Variants in MGAT5B observed in about 807,000 individuals in gnomAD.
MGAT5B encodes N-acetylglucosaminyl-transferase Vb.
Under a neutral mutation model 95.1 loss-of-function variants are expected in MGAT5B, and 54 were observed. That is an observed-to-expected ratio of 0.57 (90% confidence interval 0.46 to 0.71). MGAT5B has a LOEUF of 0.71. MGAT5B is among the 30% of genes least tolerant of loss of function. The probability of loss-of-function intolerance (pLI) is 0.00; values close to 1 mark genes in which losing one functional copy is unlikely to be tolerated. For synonymous variants in MGAT5B, 464 were observed against 451.0 expected (o/e 1.03, Z -0.36); for missense variants, 935 against 1,088.6 (o/e 0.86, Z 1.99).
chr17:76,917,312 CT>C lies in MGAT5B; in HGVS notation c.1026-7653del, dbSNP rs1200041784. On this transcript the variant is annotated intron_variant, in intron 8 of 17. Coordinates refer to ENST00000569840, the MANE Select transcript of MGAT5B (RefSeq NM_001199172.2). This position sits in a 1 kb window ranked among gnomAD's most constrained non-coding sequence, Gnocchi z 6.1. Reference sequence around the variant, plus strand: ...GTCCATAGTCATTTCTCAGCTGCCCCTGGCTTCACTTTCTTGTTGGGTCTCG... The same window carrying C: ...GTCCATAGTCATTTCTCAGCTGCCCCGGCTTCACTTTCTTGTTGGGTCTCG... Among the ~76,000 whole-genome samples the C allele has an allele frequency of 4.0e-5, 6 of 151,860 alleles. No homozygotes were observed. The highest frequency in any genetic ancestry group is 8.8e-5 in the Non-Finnish European group (6 of 67,978).
At chr17:76,873,414 C>T (rs745601828) in intron 2 of MGAT5B, among the ~76,000 whole-genome samples, 1 of 152,234 alleles carries the variant, frequency 6.6e-6, no homozygotes, top group Non-Finnish European at 1.5e-5. Flanking sequence ...CCCATCACTC[C>T]TTGCCCACAC....
chr17:76,903,687 G>A (rs1033583616), intron 5 of MGAT5B, among the ~76,000 whole-genome samples: 7 of 152,196 alleles, frequency 4.6e-5, no homozygotes, highest in African/African-American at 1.7e-4. Flanking sequence ...TGGACGGAGA[G>A]TCTTCCTGCC....
rs185967515 is a variant in MGAT5B at position 76,915,087 on chromosome 17, C to T, written c.1025+8900C>T. 4.2e-4 allele frequency among the ~76,000 whole-genome samples: 64 copies of T among 152,328 alleles called. 1 individual carries two copies. The East Asian group carries it at 8.7e-3, about 21-fold the overall frequency. On this transcript the variant is annotated intron_variant, in intron 8 of 17. Coordinates refer to ENST00000569840, the MANE Select transcript of MGAT5B (RefSeq NM_001199172.2). The surrounding 1 kb of genome is among the most constrained non-coding windows in gnomAD (Gnocchi z 8.7). Reference sequence around the variant, plus strand: ...GGATTAGGACTTCACCCTCCTTCAGCGGCCACAGTTCAGCCCACGATCAAA... The same window carrying T: ...GGATTAGGACTTCACCCTCCTTCAGTGGCCACAGTTCAGCCCACGATCAAA...
At chr17:76,932,514 C>G in intron 10 of MGAT5B, 131 bp from the exon 11 acceptor site, 1 of 1,353,428 alleles carries the variant, frequency 7.4e-7, no homozygotes, top group Non-Finnish European at 1.0e-6. Context: ...ACCCTCCCCA[C>G]CGCACCCTGT....
Position 76,940,470 on chromosome 17 carries a change from C to G in MGAT5B, c.1653C>G (p.Ile551Met), listed in dbSNP as rs559715134. Reference protein sequence around the residue: ...APLEAIANGCIFLQSRFSPPH... With the variant: ...APLEAIANGCMFLQSRFSPPH... Reference sequence around the variant, plus strand: ...TGGAGGCCATCGCCAATGGTTGCATCTTCCTGCAGTCCCGCTTCAGCCCGC... The same window carrying G: ...TGGAGGCCATCGCCAATGGTTGCATGTTCCTGCAGTCCCGCTTCAGCCCGC... Residue 551 changes from isoleucine (I) to methionine (M), a missense_variant, in exon 14 of 18, where the codon ATC (isoleucine) becomes ATG (methionine). Transcript: ENST00000569840. The surrounding 1 kb of genome is among the most constrained non-coding windows in gnomAD (Gnocchi z 4.3). 1.2e-6 allele frequency: 2 copies of G among 1,613,934 alleles called. No homozygotes were observed. The highest frequency in any genetic ancestry group is 1.7e-6 in the Non-Finnish European group (2 of 1,179,992).
In MGAT5B at chr17:76,914,034, G is replaced by A. The variant is rs557396565; in HGVS notation, c.1025+7847G>A. 7 of 318,028 alleles carry A rather than the reference G, an allele frequency of 2.2e-5. No homozygotes were observed. The highest frequency in any genetic ancestry group is 1.2e-3 in the Middle Eastern group (1 of 842). 19.7% of individuals were successfully genotyped at this position (318,028 alleles called of 1,614,324 possible). A position where few individuals can be genotyped will look rare whatever the true frequency, so the allele number is the denominator to read the frequency against. ...GAGGATCACTTGAGCCTGGGAAGTCGAGGCTACAGTCAGCCGTGATCATGC... is the reference window on the plus strand; with the variant it reads ...GAGGATCACTTGAGCCTGGGAAGTCAAGGCTACAGTCAGCCGTGATCATGC... On this transcript the variant is annotated intron_variant, in intron 8 of 17. Transcript: ENST00000569840. This position sits in a 1 kb window ranked among gnomAD's most constrained non-coding sequence, Gnocchi z 5.1.
intron 10 of MGAT5B, among the ~76,000 whole-genome samples, chr17:76,928,763 G>C (rs1264397603): frequency 6.6e-6 from 1 of 152,126 alleles, no homozygotes; most frequent in Non-Finnish European, 1.5e-5. Flanking sequence ...CAGATTGGAG[G>C]CTGGTAAGAG....
intron 9 of MGAT5B, among the ~76,000 whole-genome samples, chr17:76,925,747 A>G (rs1969293168): frequency 6.6e-6 from 1 of 152,090 alleles, no homozygotes; most frequent in East Asian, 1.9e-4. Flanking sequence ...CTGGGGGAAA[A>G]GTGCCAACCT....
chr17:76,940,362 G>A lies in MGAT5B; in HGVS notation c.1585-40G>A. The A allele has an allele frequency of 3.9e-6, 6 of 1,533,136 alleles. No homozygotes were observed. Among genetic ancestry groups the A allele is most frequent in the Non-Finnish European group, 5.3e-6 (6 of 1,137,724 alleles). The allele number at this position is 1,533,136 out of a possible 1,614,324, so 95.0% of individuals were successfully genotyped here. ...TCCTGGTGCTTACTGGGCTGTGGCG[G>A]CCCAGCCCTCCCTGATCACTGCGCC... On this transcript the variant is annotated intron_variant, in intron 13 of 17. Coordinates refer to ENST00000569840, the MANE Select transcript of MGAT5B (RefSeq NM_001199172.2). This position sits in a 1 kb window ranked among gnomAD's most constrained non-coding sequence, Gnocchi z 4.3.
In MGAT5B at chr17:76,940,636, G is replaced by T. The variant is rs975183185; in HGVS notation, c.1731+88G>T. 5.7e-6 allele frequency: 9 copies of T among 1,585,918 alleles called. No homozygotes were observed. The highest frequency in any genetic ancestry group is 1.3e-5 in the African/African-American group (1 of 74,500). ...TGGAAGAGGCAGACTGAGATGTGGG[G>T]CAAAAGGAGATAGGACAAGTGTATG... On this transcript the variant is annotated intron_variant, in intron 14 of 17. Coordinates refer to ENST00000569840, the MANE Select transcript of MGAT5B (RefSeq NM_001199172.2). This position sits in a 1 kb window ranked among gnomAD's most constrained non-coding sequence, Gnocchi z 4.3.
At position 76,904,428 on chromosome 17, in the gene MGAT5B, C is replaced by T. The variant is rs1170380691; in HGVS notation, c.690+6C>T. The T allele has an allele frequency of 5.2e-6, 8 of 1,552,828 alleles. No homozygotes were observed. Among genetic ancestry groups the T allele is most frequent in the Non-Finnish European group, 5.2e-6 (6 of 1,149,080 alleles). On this transcript the variant is annotated splice_donor_region_variant and intron_variant, in intron 6 of 17. Coordinates refer to ENST00000569840, the MANE Select transcript of MGAT5B (RefSeq NM_001199172.2). ...AGCCCCTCCCCAAAGTCCAGGTGGG[C>T]CTGGGAGGTGGGTGGGCCGGTGAGG... is the stretch of plus-strand genomic sequence containing the variant.
chr17:76,947,396 A>G (rs1370467069), intron 16 of MGAT5B, among the ~76,000 whole-genome samples: 1 of 152,132 alleles, frequency 6.6e-6, no homozygotes, highest in Non-Finnish European at 1.5e-5. Flanking sequence ...GCTCACAGAA[A>G]AGCATTCGCG....
At chr17:76,935,828 T>C (rs1213165867) in intron 12 of MGAT5B, among the ~76,000 whole-genome samples, 4 of 132,124 alleles carry the variant, frequency 3.0e-5, no homozygotes, top group Non-Finnish European at 6.3e-5. Context: ...TTATATATAC[T>C]ATATATTATA....
rs968692919 is a variant in MGAT5B, at chr17:76,930,714, T to G, written c.1292-1931T>G. Among the ~76,000 whole-genome samples, 1 of 151,688 alleles carries G rather than the reference T, an allele frequency of 6.6e-6. No individual in the cohort carries two copies. The highest frequency in any genetic ancestry group is 1.5e-5 in the Non-Finnish European group (1 of 67,954). ...TCCCTGGCCTTGGTGTGTAGGAGGG[T>G]GTGTGTCCTTATGGACAAATAAGTC... On this transcript the variant is annotated intron_variant, in intron 10 of 17. Coordinates refer to ENST00000569840, the MANE Select transcript of MGAT5B (RefSeq NM_001199172.2). The surrounding 1 kb of genome is among the most constrained non-coding windows in gnomAD (Gnocchi z 4.1).
chr17:76,876,397 G>A (rs1967192043), intron 2 of MGAT5B, among the ~76,000 whole-genome samples: 1 of 151,716 alleles, frequency 6.6e-6, no homozygotes, highest in Admixed American at 6.6e-5. Flanking sequence ...AGAAATCTGC[G>A]GAGTCTAGAC....
chr17:76,946,362 C>T lies in MGAT5B; in HGVS notation c.1849-14C>T. On this transcript the variant is annotated splice_polypyrimidine_tract_variant and intron_variant, in intron 15 of 17. Coordinates refer to ENST00000569840, the MANE Select transcript of MGAT5B (RefSeq NM_001199172.2). Reference sequence around the variant, plus strand: ...CCTTCTCCCGCCCCATGTGTCTGCCCATCCCTCCCACAGGTAGACCCCTAC... The same window carrying T: ...CCTTCTCCCGCCCCATGTGTCTGCCTATCCCTCCCACAGGTAGACCCCTAC... The T allele has an allele frequency of 6.2e-7, 1 of 1,603,800 alleles. No individual in the cohort carries two copies. Among genetic ancestry groups the T allele is most frequent in the Non-Finnish European group, 8.5e-7 (1 of 1,174,488 alleles).
rs11870116 is a variant in MGAT5B, at chr17:76,949,073, A to G, written c.*235A>G. ...CTCCGGTTCTCTCCTGGGGACTCACAGAAGCATCGTGGCCAAGCAGGTGTC... is the reference window on the plus strand; with the variant it reads ...CTCCGGTTCTCTCCTGGGGACTCACGGAAGCATCGTGGCCAAGCAGGTGTC... On this transcript the variant is annotated 3_prime_UTR_variant, in exon 18 of 18. Coordinates refer to ENST00000569840, the MANE Select transcript of MGAT5B (RefSeq NM_001199172.2). 0.46 allele frequency: 271,850 copies of G among 587,552 alleles called. 67,000 individuals are homozygous for G. Among genetic ancestry groups the G allele is most frequent in the African/African-American group, 0.58 (31,098 of 53,624 alleles). The allele number at this position is 587,552 out of a possible 1,614,324, so 36.4% of individuals were successfully genotyped here.
chr17:76,913,963 T>C (rs570612702), intron 8 of MGAT5B: 4 of 350,334 alleles, frequency 1.1e-5, no homozygotes, highest in Admixed American at 3.7e-5. Flanking sequence ...ACAAAAAAAT[T>C]AGCCAAGTGC....
intron 4 of MGAT5B, among the ~76,000 whole-genome samples, 173 bp downstream of exon 4, chr17:76,902,843 C>T (rs1968366961): frequency 7.3e-6 from 1 of 137,158 alleles, no homozygotes; most frequent in African/African-American, 3.4e-5. Flanking sequence ...TGGGGGTTCA[C>T]TCCCTCGACC....
Sources: allele counts gnomAD v4.1 joint callset (sites outside exome capture counted in the v4.1 genomes callset), GRCh38; gene constraint gnomAD v4.1.1; non-coding constraint Gnocchi (gnomAD v3.1); transcripts MANE v1.5; gene names NCBI Gene and HGNC (gene_info 2026-07-23, HGNC 2026-07-21).